The following MAPK8IP3 variants were observed in gnomAD, a reference collection of about 807,000 sequenced individuals.
MAPK8IP3 encodes C-Jun-amino-terminal kinase-interacting protein 3.
In MAPK8IP3, 49 loss-of-function variants were observed where a neutral mutation model predicts 157.8. The ratio of observed to expected loss-of-function variants is 0.31; its 90% confidence interval spans 0.25 to 0.39. The LOEUF (loss-of-function observed/expected upper bound fraction) is 0.39, where lower values mean the gene tolerates loss of function less well. Ranked by LOEUF, MAPK8IP3 falls within the 10% of genes least tolerant of loss-of-function variation. MAPK8IP3 has a pLI of 1.00. For synonymous variants in MAPK8IP3, 897 were observed against 777.7 expected (o/e 1.15, Z -2.55); for missense variants, 1,478 against 1,889.4 (o/e 0.78, Z 4.04).
In MAPK8IP3 at chr16:1,724,436, G is replaced by A. The variant is rs892297539; in HGVS notation, c.319-121G>A. On this transcript the variant is annotated intron_variant, in intron 1 of 31. Transcript: ENST00000610761. This position sits in a 1 kb window ranked among gnomAD's most constrained non-coding sequence, Gnocchi z 4.1. ...CCCATTCCGGCCTGGCCATGGGCCA[G>A]CTTGTGGCCCTGGGGACATCTTTGG... 5.2e-6 allele frequency: 7 copies of A among 1,353,274 alleles called. No individual in the cohort carries two copies. The African/African-American group carries it at 1.0e-4, about 20-fold the overall frequency. The allele number at this position is 1,353,274 out of a possible 1,614,324, so 83.8% of individuals were successfully genotyped here.
At position 1,726,312 on chromosome 16, in the gene MAPK8IP3, G is replaced by A. The variant is rs577815840; in HGVS notation, c.439+1635G>A. Among the ~76,000 whole-genome samples, 99 of 152,260 alleles carry A rather than the reference G, an allele frequency of 6.5e-4. 1 individual carries two copies. The highest frequency in any genetic ancestry group is 2.3e-3 in the African/African-American group (94 of 41,542). ...ATTACAGAGTCTCTCCTGGTCCCTC[G>A]GCTTTCAGTACATTTCATGTGTGAA... is the stretch of plus-strand genomic sequence containing the variant. On this transcript the variant is annotated intron_variant, in intron 2 of 31. Coordinates refer to ENST00000610761, the MANE Select transcript of MAPK8IP3 (RefSeq NM_001318852.2).
At chr16:1,719,266 G>C (rs1413229582) in intron 1 of MAPK8IP3, among the ~76,000 whole-genome samples, 1 of 151,584 alleles carries the variant, frequency 6.6e-6, no homozygotes, top group Non-Finnish European at 1.5e-5. Context: ...ACTGTGCCCA[G>C]CCTGAGACCC....
At chr16:1,726,146 T>G (rs1265857475) in intron 2 of MAPK8IP3, among the ~76,000 whole-genome samples, 2 of 152,234 alleles carry the variant, frequency 1.3e-5, no homozygotes, top group Non-Finnish European at 2.9e-5. Flanking sequence ...GCTGCTGTGC[T>G]GACAATGACC....
rs780417964 is a variant in MAPK8IP3, at chr16:1,765,176, C to G, written c.2444C>G (p.Pro815Arg). 1.9e-6 allele frequency: 3 copies of G among 1,589,470 alleles called. No homozygotes were observed. Among genetic ancestry groups the G allele is most frequent in the Non-Finnish European group, 1.7e-6 (2 of 1,161,268 alleles). ...NAHVLCISSI[P>R]AASDSDYPPG... The stretch of plus-strand genomic sequence containing the variant: ...CACGTGCTGTGCATCTCCAGCATCC[C>G]CGGTGAGCAGCTGGAGTGGGCGTTT... Residue 815 changes from proline (P) to arginine (R), a missense_variant and splice_region_variant, in exon 20 of 32, where the codon CCC (proline) becomes CGC (arginine). Around this residue, in one of 11 missense-constraint regions of MAPK8IP3, gnomAD observed 669 missense variants for 759.8 expected, o/e 0.88. Coordinates refer to ENST00000610761, the MANE Select transcript of MAPK8IP3 (RefSeq NM_001318852.2).
At chr16:1,719,696 A>T (rs924407477) in intron 1 of MAPK8IP3, among the ~76,000 whole-genome samples, 4 of 151,564 alleles carry the variant, frequency 2.6e-5, no homozygotes, top group Non-Finnish European at 5.9e-5. Flanking sequence ...AACCACAAAA[A>T]TTAGCCCAAT....
intron 9 of MAPK8IP3, 30 bp from the exon 10 acceptor site, chr16:1,758,948 A>G: frequency 1.2e-6 from 2 of 1,613,782 alleles, no homozygotes; most frequent in Non-Finnish European, 1.7e-6. Context: ...CTGGTTGCCC[A>G]TCTCCTGTGG....
intron 3 of MAPK8IP3, 36 bp downstream of exon 3, chr16:1,729,244 G>A: frequency 6.2e-7 from 1 of 1,609,942 alleles, no homozygotes; most frequent in South Asian, 1.1e-5. Flanking sequence ...GACGAGGGTT[G>A]GAGACAGGGC....
chr16:1,736,084 GT>G (rs2039760852), intron 4 of MAPK8IP3, among the ~76,000 whole-genome samples: 1 of 130,218 alleles, frequency 7.7e-6, no homozygotes, highest in Admixed American at 7.9e-5. Context: ...CCGTGTGAGA[GT>G]GTGACCGTCC....
At position 1,763,801 on chromosome 16, in the gene MAPK8IP3, G is replaced by A. The variant is rs544000139; in HGVS notation, c.2025+18G>A. On this transcript the variant is annotated intron_variant, in intron 17 of 31. Coordinates refer to ENST00000610761, the MANE Select transcript of MAPK8IP3 (RefSeq NM_001318852.2). ...ACAAGCAGGTGCGGGCGGGCGCTGCGGGGACCGGGCGGGGCCCCGCAGAGG... is the reference window on the plus strand; with the variant it reads ...ACAAGCAGGTGCGGGCGGGCGCTGCAGGGACCGGGCGGGGCCCCGCAGAGG... 3.5e-5 allele frequency: 52 copies of A among 1,497,876 alleles called. No homozygotes were observed. In the South Asian group the frequency reaches 5.9e-4, roughly 17 times the overall value. 92.8% of individuals were successfully genotyped at this position (1,497,876 alleles called of 1,614,324 possible).
intron 4 of MAPK8IP3, among the ~76,000 whole-genome samples, chr16:1,739,843 TGAGCATCCGTGTGA>T (rs2040524637): frequency 8.2e-6 from 1 of 122,332 alleles, no homozygotes; most frequent in Admixed American, 8.8e-5. Context: ...ACCGTCCGTG[TGAGCATCCGTGTGA>T]CCGTGTGAGC....
intron 28 of MAPK8IP3, 38 bp from the exon 29 acceptor site, chr16:1,768,031 C>G (rs570372070): frequency 2.5e-5 from 40 of 1,611,862 alleles, no homozygotes; most frequent in African/African-American, 8.0e-5. Flanking sequence ...CTACGCTGAC[C>G]GCTCTCCTCT....
rs1244820161 is a variant in MAPK8IP3, at chr16:1,726,253, C to T, written c.439+1576C>T. Among the ~76,000 whole-genome samples, 7 of 152,294 alleles carry T rather than the reference C, an allele frequency of 4.6e-5. No individual in the cohort carries two copies. In the East Asian group the frequency reaches 9.6e-4, roughly 21 times the overall value. On this transcript the variant is annotated intron_variant, in intron 2 of 31. Transcript: ENST00000610761. ...CACAATGCAAAGCAAACCTAAGACC[C>T]GTGCTGAGCATACCTAGGTAATGCC...
intron 4 of MAPK8IP3, among the ~76,000 whole-genome samples, chr16:1,734,830 C>A (rs1355383409): frequency 1.3e-5 from 2 of 152,290 alleles, no homozygotes; most frequent in African/African-American, 2.4e-5. Context: ...GGGCGCCCTC[C>A]TTCCTGACCC....
At chr16:1,735,590 CGT>C (rs2039662119) in intron 4 of MAPK8IP3, among the ~76,000 whole-genome samples, 1 of 133,414 alleles carries the variant, frequency 7.5e-6, no homozygotes. Flanking sequence ...TGTGACCATC[CGT>C]GTGAGCATCC....
intron 2 of MAPK8IP3, 92 bp from the exon 3 acceptor site, chr16:1,729,046 C>A: frequency 7.8e-7 from 1 of 1,275,074 alleles, no homozygotes; most frequent in Non-Finnish European, 1.1e-6. Context: ...CCAGCCTTGT[C>A]CTGGAACCCC....
At chr16:1,726,586 G>C (rs1281779184) in intron 2 of MAPK8IP3, among the ~76,000 whole-genome samples, 1 of 152,186 alleles carries the variant, frequency 6.6e-6, no homozygotes, top group Non-Finnish European at 1.5e-5. Flanking sequence ...CTGAGGTAGA[G>C]GATTGCTCAA....
At chr16:1,740,682 C>T (rs1254478245) in intron 4 of MAPK8IP3, among the ~76,000 whole-genome samples, 6 of 152,230 alleles carry the variant, frequency 3.9e-5, no homozygotes, top group Admixed American at 1.3e-4. Context: ...CCGTGTCTGT[C>T]GCTGCCCTGC....
Position 1,766,618 on chromosome 16 carries a change from C to T in MAPK8IP3, c.2909C>T (p.Pro970Leu). The T allele has an allele frequency of 6.2e-7, 1 of 1,612,440 alleles. No homozygotes were observed. Among genetic ancestry groups the T allele is most frequent in the Non-Finnish European group, 8.5e-7 (1 of 1,179,844 alleles). The change falls in exon 23 of 32, where the codon CCC (proline) becomes CTC (leucine). Residue 970 changes from proline to leucine, a missense_variant. By Grantham distance (98) the Pro-to-Leu change is moderately conservative. Transcript: ENST00000610761. ...ACGGGAGCAGGCAGCAGTGCTGCAC[C>T]CACCATGTGGCTGGGAGCCCAGAAC... is the stretch of plus-strand genomic sequence containing the variant. Reference protein sequence around the residue: ...DPTGAGSSAAPTMWLGAQNGW... With the variant: ...DPTGAGSSAALTMWLGAQNGW...
At chr16:1,748,434 T>C in intron 7 of MAPK8IP3, 88 bp downstream of exon 7, 1 of 1,252,472 alleles carries the variant, frequency 8.0e-7, no homozygotes. Context: ...CTGCCACCAC[T>C]GGGAGAACCA....
Sources: gnomAD v4.1 joint callset for allele counts (sites outside exome capture counted in the v4.1 genomes callset) on GRCh38, gnomAD v4.1.1 for gene constraint, gnomAD v4.1.1 regional missense constraint, Gnocchi (gnomAD v3.1) non-coding constraint, MANE v1.5 for transcripts, NCBI Gene and HGNC (gene_info 2026-07-23, HGNC 2026-07-21) for gene names.